Variants in TMEM184B observed in about 807,000 individuals in gnomAD.
TMEM184B encodes transmembrane protein 184B.
TMEM184B carries 17 observed loss-of-function variants against 41.8 expected under a neutral mutation model. That is an observed-to-expected ratio of 0.41 (90% CI 0.28 to 0.61). The LOEUF (loss-of-function observed/expected upper bound fraction) is 0.61, where lower values mean the gene tolerates loss of function less well. TMEM184B is among the 20% of genes least tolerant of loss of function. The pLI, the probability that TMEM184B is intolerant of heterozygous loss-of-function variation, is 0.34. For synonymous variants in TMEM184B, 240 were observed against 229.5 expected (o/e 1.05, Z -0.41); for missense variants, 393 against 557.8 (o/e 0.70, Z 2.98).
At chr22:38,243,852 A>G (rs2091967346) in intron 3 of TMEM184B, among the ~76,000 whole-genome samples, 1 of 152,128 alleles carries the variant, frequency 6.6e-6, no homozygotes, top group South Asian at 2.1e-4. Flanking sequence ...GCTGCACCCC[A>G]TCCTGCTCTG....
In TMEM184B at chr22:38,271,211, G is replaced by A. The variant is rs373539374; in HGVS notation, c.-59+1673C>T. On this transcript the variant is annotated intron_variant, in intron 1 of 8. Coordinates refer to ENST00000361906, the MANE Select transcript of TMEM184B (RefSeq NM_012264.5). ...TCAGTGTCCATCTTCCCAGCACTGG[G>A]AGCCCCTAGAAGGCAGGCACCAGGT... Among the ~76,000 whole-genome samples the A allele has an allele frequency of 2.4e-4, 37 of 152,220 alleles. No individual in the cohort carries two copies. In the East Asian group the frequency reaches 5.8e-3, roughly 24 times the overall value.
chr22:38,261,578 C>T (rs2092368955), intron 1 of TMEM184B, among the ~76,000 whole-genome samples: 1 of 152,174 alleles, frequency 6.6e-6, no homozygotes, highest in South Asian at 2.1e-4. Context: ...TAATTAGGTT[C>T]TTTCCTTTAG....
chr22:38,219,650 C>G lies in TMEM184B; in HGVS notation c.*1819G>C, dbSNP rs1162308164. The G allele has an allele frequency of 4.1e-6, 4 of 985,532 alleles. No homozygotes were observed. The highest frequency in any genetic ancestry group is 4.8e-6 in the Non-Finnish European group (4 of 829,950). The allele number at this position is 985,532 out of a possible 1,614,324, so 61.0% of individuals were successfully genotyped here. A position where few individuals can be genotyped will look rare whatever the true frequency, so the allele number is the denominator to read the frequency against. ...CTGATTCCCTGCCACTGAGCTCCCC[C>G]CACCCTCCACGCAAACAGCAACGCT... is the stretch of plus-strand genomic sequence containing the variant. On this transcript the variant is annotated 3_prime_UTR_variant, in exon 9 of 9. Coordinates refer to ENST00000361906, the MANE Select transcript of TMEM184B (RefSeq NM_012264.5).
chr22:38,263,795 A>G (rs562887252), intron 1 of TMEM184B, among the ~76,000 whole-genome samples: 1 of 152,244 alleles, frequency 6.6e-6, no homozygotes, highest in South Asian at 2.1e-4. Flanking sequence ...GGAAATATAG[A>G]AAATATGTAG....
Position 38,220,568 on chromosome 22 carries a change from C to T in TMEM184B, c.*901G>A, listed in dbSNP as rs2091230237. On this transcript the variant is annotated 3_prime_UTR_variant, in exon 9 of 9. Coordinates refer to ENST00000361906, the MANE Select transcript of TMEM184B (RefSeq NM_012264.5). ...TGGTCTGAAACGTGGAGACTCAGAC[C>T]TTTCCCCTGAAACGGGAGGGAGAAG... is the stretch of plus-strand genomic sequence containing the variant. The T allele has an allele frequency of 6.1e-6, 6 of 985,844 alleles. No individual in the cohort carries two copies. Among genetic ancestry groups the T allele is most frequent in the Admixed American group, 6.1e-5 (1 of 16,278 alleles). The allele number at this position is 985,844 out of a possible 1,614,324, so 61.1% of individuals were successfully genotyped here.
downstream of TMEM184B, among the ~76,000 whole-genome samples, chr22:38,218,842 G>A (rs975024462): frequency 6.6e-6 from 1 of 152,224 alleles, no homozygotes; most frequent in African/African-American, 2.4e-5. Flanking sequence ...AAGGCATGCG[G>A]TACCAGAGAG....
rs1470813416 is a variant in TMEM184B, at chr22:38,221,403, G to A, written c.*66C>T. ...CAGCTGCCTCCTGGCCTGGTGGTGA[G>A]GCTGGAGGTGGGGCACAGCCTGACC... On this transcript the variant is annotated 3_prime_UTR_variant, in exon 9 of 9. Coordinates refer to ENST00000361906, the MANE Select transcript of TMEM184B (RefSeq NM_012264.5). 2.7e-5 allele frequency: 41 copies of A among 1,531,122 alleles called. No homozygotes were observed. Among genetic ancestry groups the A allele is most frequent in the Non-Finnish European group, 3.2e-5 (37 of 1,142,780 alleles). 94.8% of individuals were successfully genotyped at this position (1,531,122 alleles called of 1,614,324 possible).
intron 5 of TMEM184B, among the ~76,000 whole-genome samples, 179 bp downstream of exon 5, chr22:38,230,490 C>T (rs542982791): frequency 6.6e-6 from 1 of 152,302 alleles, no homozygotes; most frequent in East Asian, 1.9e-4. Flanking sequence ...GTCGCTGCCC[C>T]TCCAAGCACA....
At chr22:38,260,083 T>C (rs2092348589) in intron 1 of TMEM184B, among the ~76,000 whole-genome samples, 1 of 152,128 alleles carries the variant, frequency 6.6e-6, no homozygotes, top group African/African-American at 2.4e-5. Context: ...GCTAATTTTG[T>C]ATTCTTAGTA....
At position 38,221,421 on chromosome 22, in the gene TMEM184B, GC is replaced by G. The variant is rs1339527163; in HGVS notation, c.*47del. The G allele has an allele frequency of 6.4e-7, 1 of 1,552,824 alleles. No homozygotes were observed. The highest frequency in any genetic ancestry group is 2.3e-5 in the East Asian group (1 of 44,432). On this transcript the variant is annotated 3_prime_UTR_variant, in exon 9 of 9. Coordinates refer to ENST00000361906, the MANE Select transcript of TMEM184B (RefSeq NM_012264.5). ...GTGGTGAGGCTGGAGGTGGGGCACA[GC>G]CTGACCGTGGCTATGGCGCCAGCAC...
At chr22:38,262,236 G>C (rs953707981) in intron 1 of TMEM184B, among the ~76,000 whole-genome samples, 3 of 152,230 alleles carry the variant, frequency 2.0e-5, no homozygotes, top group African/African-American at 7.2e-5. Context: ...GGTGTGAGTG[G>C]TGACTACCGG....
rs985191720 is a variant in TMEM184B, at chr22:38,226,123, A to G, written c.618-530T>C. 4.3e-4 allele frequency among the ~76,000 whole-genome samples: 63 copies of G among 147,984 alleles called. No individual in the cohort carries two copies. The highest frequency in any genetic ancestry group is 7.0e-4 in the Non-Finnish European group (47 of 67,382). On this transcript the variant is annotated intron_variant, in intron 6 of 8. Transcript: ENST00000361906. The surrounding 1 kb of genome is among the most constrained non-coding windows in gnomAD (Gnocchi z 4.6). ...ATATGGAGTTTTGTTCTTGTCACCC[A>G]GGCTAGAGTGCAATGGCGTGATCTT...
intron 8 of TMEM184B, chr22:38,223,465 T>C (rs746042747): frequency 6.6e-6 from 1 of 152,398 alleles, no homozygotes; most frequent in Non-Finnish European, 1.5e-5. Context: ...CTGGCCTTTG[T>C]GCACCTGCTC....
rs1251111027 is a variant in TMEM184B, at chr22:38,219,362, G to A, written c.*2107C>T. ...CACTTTATTTGCTCACTTCTGTCAC[G>A]CATTTAAAATGTCACAGAGACCAAA... On this transcript the variant is annotated 3_prime_UTR_variant, in exon 9 of 9. Transcript: ENST00000361906. The A allele has an allele frequency of 5.1e-6, 5 of 985,724 alleles. No homozygotes were observed. The highest frequency in any genetic ancestry group is 4.7e-5 in the South Asian group (1 of 21,280). The allele number at this position is 985,724 out of a possible 1,614,324, so 61.1% of individuals were successfully genotyped here. A position where few individuals can be genotyped will look rare whatever the true frequency, so the allele number is the denominator to read the frequency against.
intron 5 of TMEM184B, 139 bp from the exon 6 acceptor site, chr22:38,227,009 G>C: frequency 1.2e-6 from 1 of 834,090 alleles, no homozygotes. Flanking sequence ...GGGATGGAGG[G>C]ACGGAGGGGA....
chr22:38,264,662 C>T (rs1010460584), intron 1 of TMEM184B, among the ~76,000 whole-genome samples: 7 of 152,112 alleles, frequency 4.6e-5, no homozygotes, highest in East Asian at 1.9e-4. Context: ...GAGATGGAGG[C>T]GGGTCTCTGG....
In TMEM184B at chr22:38,256,595, C is replaced by G. The variant is rs561005072; in HGVS notation, c.-58-8576G>C. Among the ~76,000 whole-genome samples, 6 of 152,288 alleles carry G rather than the reference C, an allele frequency of 3.9e-5. No homozygotes were observed. In the South Asian group the frequency reaches 6.2e-4, roughly 16 times the overall value. On this transcript the variant is annotated intron_variant, in intron 1 of 8. Transcript: ENST00000361906. The stretch of plus-strand genomic sequence containing the variant: ...ATCTCTGATACAAACTGAGTCCCTC[C>G]CCATCTTACTACACATTTCATAGAA...
chr22:38,241,417 G>A (rs1156399882), intron 3 of TMEM184B, among the ~76,000 whole-genome samples: 1 of 151,984 alleles, frequency 6.6e-6, no homozygotes, highest in Non-Finnish European at 1.5e-5. Context: ...ATTGGATGCA[G>A]TGGCTCATGC....
rs368190519 is a variant in TMEM184B, at chr22:38,226,808, G to C, written c.588C>G (p.Ala196=). ...AGTCCCCATCCCGGTACTTGCCGAA[G>C]GCCTGGAGGACCACAGTGCTGACCG... The part of the protein sequence containing the change: ...LMAVSTVVLQ[A]FGKYRDGDFD... Residue 196 remains alanine (A), a synonymous_variant, in exon 6 of 9, where the codon GCC becomes GCG. Coordinates refer to ENST00000361906, the MANE Select transcript of TMEM184B (RefSeq NM_012264.5). This position sits in a 1 kb window ranked among gnomAD's most constrained non-coding sequence, Gnocchi z 4.6. 2 of 1,605,748 alleles carry C rather than the reference G, an allele frequency of 1.2e-6. No homozygotes were observed. The highest frequency in any genetic ancestry group is 1.7e-6 in the Non-Finnish European group (2 of 1,176,348).
Sources: gnomAD v4.1 joint callset for allele counts (sites outside exome capture counted in the v4.1 genomes callset) on GRCh38, gnomAD v4.1.1 for gene constraint, Gnocchi (gnomAD v3.1) non-coding constraint, MANE v1.5 for transcripts, NCBI Gene and HGNC (gene_info 2026-07-23, HGNC 2026-07-21) for gene names.